Variants in UBXN11 observed in about 807,000 individuals in gnomAD.
UBXN11 encodes UBX domain-containing protein 11.
UBXN11 carries 47 observed loss-of-function variants against 62.8 expected under a neutral mutation model. The observed-to-expected ratio is 0.75, with a 90% confidence interval of 0.59 to 0.95. UBXN11 has a LOEUF of 0.95. Among genes scored for constraint, UBXN11 ranks in the 40% least tolerant of loss-of-function variants. The probability of loss-of-function intolerance (pLI) is 0.00; values close to 1 mark genes in which losing one functional copy is unlikely to be tolerated. For missense variants in UBXN11, 638 were observed against 661.7 expected (o/e 0.96, Z 0.39); for synonymous variants, 294 against 267.0 (o/e 1.10, Z -0.99).
chr1:26,317,373 A>AT (rs1271894333), intron 1 of UBXN11, among the ~76,000 whole-genome samples: 1 of 152,128 alleles, frequency 6.6e-6, no homozygotes, highest in African/African-American at 2.4e-5. Flanking sequence ...AGGCTTCCCG[A>AT]TTCCTCACCT....
chr1:26,282,435 T>A lies in UBXN11; in HGVS notation c.1427A>T (p.Lys476Met). ...ACCAGGACTGAATTTCAGGCTGGACTTCGGGGCTCGGCGTGCCCGCAGCAG... is the reference window on the plus strand; with the variant it reads ...ACCAGGACTGAATTTCAGGCTGGACATCGGGGCTCGGCGTGCCCGCAGCAG... ...ALLLRARRAP[K>M]SSLKFSPGPC... The change falls in exon 15 of 15, where the codon AAG (lysine) becomes ATG (methionine). Residue 476 changes from lysine to methionine, a missense_variant. Transcript: ENST00000374222. The A allele has an allele frequency of 1.9e-6, 3 of 1,600,002 alleles. No individual in the cohort carries two copies. The highest frequency in any genetic ancestry group is 1.1e-5 in the South Asian group (1 of 90,558).
rs916011692 is a variant in UBXN11, at chr1:26,285,906, C to A, written c.691G>T (p.Glu231Ter). 2 of 1,613,632 alleles carry A rather than the reference C, an allele frequency of 1.2e-6. No homozygotes were observed. The highest frequency in any genetic ancestry group is 1.3e-5 in the African/African-American group (1 of 75,044). ...CGGTAGAGCTTCAGCGGGATGGGCT[C>A]GAGGGTACGCAGCCGTGCCCCGCCG... ...VPGGARLRTL[E>*]PIPLKLYRNG... is the part of the protein sequence containing the mutation. Residue 231 changes from glutamate (E) to a stop codon, truncating the protein, a stop_gained, in exon 9 of 15, where the codon GAG (glutamate) becomes TAG (stop). Coordinates refer to ENST00000374222, the MANE Select transcript of UBXN11 (RefSeq NM_001389556.1). LOFTEE classifies it high-confidence loss of function.
chr1:26,295,904 G>C (rs147833133), intron 7 of UBXN11, among the ~76,000 whole-genome samples: 1 of 152,248 alleles, frequency 6.6e-6, no homozygotes, highest in Admixed American at 6.5e-5. Context: ...ACTGTGTGGC[G>C]GAGACGCATG....
chr1:26,295,331 T>C (rs2124654333), intron 7 of UBXN11, among the ~76,000 whole-genome samples: 1 of 152,202 alleles, frequency 6.6e-6, no homozygotes, highest in Non-Finnish European at 1.5e-5. Flanking sequence ...CACCGTCATC[T>C]TTCTCCTGGA....
chr1:26,301,897 G>A (rs1010498781), intron 2 of UBXN11, among the ~76,000 whole-genome samples, 175 bp from the exon 3 acceptor site: 1 of 152,124 alleles, frequency 6.6e-6, no homozygotes, highest in African/African-American at 2.4e-5. Flanking sequence ...GTGAGACAAG[G>A]GACAGGCTTC....
chr1:26,296,790 A>G, intron 7 of UBXN11, 129 bp downstream of exon 7: 11 of 956,874 alleles, frequency 1.1e-5, no homozygotes, highest in Non-Finnish European at 1.7e-5. Flanking sequence ...AATGCAGGGC[A>G]GGGTCCCTGG....
At chr1:26,317,986 G>A (rs1331835877) in intron 1 of UBXN11, 2 of 1,609,660 alleles carry the variant, frequency 1.2e-6, no homozygotes, top group Admixed American at 3.3e-5. Flanking sequence ...CTAAAAAGCT[G>A]CTACCAAGAC....
At chr1:26,308,363 AAGC>A (rs2073704793), upstream of UBXN11, among the ~76,000 whole-genome samples, 1 of 152,154 alleles carries the variant, frequency 6.6e-6, no homozygotes, top group Admixed American at 6.5e-5. Flanking sequence ...TAAAGGCAGG[AAGC>A]AGAAGTGGAT....
intron 8 of UBXN11, among the ~76,000 whole-genome samples, chr1:26,287,483 T>C (rs1045177624): frequency 2.0e-5 from 3 of 151,842 alleles, no homozygotes; most frequent in African/African-American, 7.3e-5. Context: ...GTAAGTCATC[T>C]GTTTGGGTGT....
At chr1:26,298,732 G>A (rs1027639631) in intron 4 of UBXN11, among the ~76,000 whole-genome samples, 12 of 141,838 alleles carry the variant, frequency 8.5e-5, no homozygotes, top group African/African-American at 3.0e-4. Context: ...AGCCAAGATC[G>A]CACCACTGCA....
Position 26,282,291 on chromosome 1 carries a change from C to A in UBXN11, c.*8G>T. 6.9e-7 allele frequency: 1 copy of A among 1,453,648 alleles called. No individual in the cohort carries two copies. 90.0% of individuals were successfully genotyped at this position (1,453,648 alleles called of 1,614,324 possible). A position where few individuals can be genotyped will look rare whatever the true frequency, so the allele number is the denominator to read the frequency against. On this transcript the variant is annotated 3_prime_UTR_variant, in exon 15 of 15. Coordinates refer to ENST00000374222, the MANE Select transcript of UBXN11 (RefSeq NM_001389556.1). ...CTGGCGGAGCAGCGGGTTGAGGGGG[C>A]GGGTGCTTTATTGGGGGCTGGGACT...
chr1:26,289,216 G>A (rs2073201535), intron 8 of UBXN11, among the ~76,000 whole-genome samples: 1 of 152,154 alleles, frequency 6.6e-6, no homozygotes, highest in African/African-American at 2.4e-5. Flanking sequence ...GTACAATGAG[G>A]ACGATAAAAG....
At chr1:26,297,612 A>G (rs1380021965) in intron 5 of UBXN11, 131 bp from the exon 6 acceptor site, 1 of 1,142,564 alleles carries the variant, frequency 8.8e-7, no homozygotes, top group African/African-American at 1.6e-5. Flanking sequence ...TGGCACAGCC[A>G]CTTCTCCCGG....
upstream of UBXN11, chr1:26,306,896 A>G (rs4233460): frequency 0.54 from 76,120 of 141,172 alleles, 21,881 homozygotes; most frequent in Non-Finnish European, 0.65. Flanking sequence ...TAGGTTAATG[A>G]AACTGCTGGC....
intron 8 of UBXN11, among the ~76,000 whole-genome samples, chr1:26,289,506 T>C (rs2073208642): frequency 6.6e-6 from 1 of 152,014 alleles, no homozygotes; most frequent in Non-Finnish European, 1.5e-5. Flanking sequence ...CTCAGGAGCA[T>C]TGAGCCCTGG....
At chr1:26,317,869 T>C in intron 1 of UBXN11, 1 of 673,374 alleles carries the variant, frequency 1.5e-6, no homozygotes, top group Non-Finnish European at 2.7e-6. Flanking sequence ...ACACCCCTCC[T>C]CCACCTTGTA....
At chr1:26,291,916 C>G (rs1402088024) in intron 8 of UBXN11, among the ~76,000 whole-genome samples, 1 of 152,202 alleles carries the variant, frequency 6.6e-6, no homozygotes, top group East Asian at 1.9e-4. Flanking sequence ...TTGCTGTGTC[C>G]CAAGTGTACT....
At position 26,302,884 on chromosome 1, in the gene UBXN11, A is replaced by G; in HGVS notation, c.-1T>C. Reference sequence around the variant, plus strand: ...TAAGGGAGGCCAAAGGTGAGCTCATAGTTCTACTTCTAGAATCCAGCTGTC... The same window carrying G: ...TAAGGGAGGCCAAAGGTGAGCTCATGGTTCTACTTCTAGAATCCAGCTGTC... On this transcript the variant is annotated 5_prime_UTR_variant, in exon 2 of 15. Transcript: ENST00000374222. 2 of 1,613,740 alleles carry G rather than the reference A, an allele frequency of 1.2e-6. No individual in the cohort carries two copies. The highest frequency in any genetic ancestry group is 1.7e-6 in the Non-Finnish European group (2 of 1,179,802).
intron 1 of UBXN11, among the ~76,000 whole-genome samples, chr1:26,316,692 T>G (rs2073798514): frequency 1.3e-5 from 2 of 152,096 alleles, no homozygotes; most frequent in African/African-American, 4.8e-5. Flanking sequence ...TAACACCTGC[T>G]GCAGGGCACC....
Sources: gnomAD v4.1 joint callset for allele counts (sites outside exome capture counted in the v4.1 genomes callset) on GRCh38, gnomAD v4.1.1 for gene constraint, MANE v1.5 for transcripts, NCBI Gene and HGNC (gene_info 2026-07-23, HGNC 2026-07-21) for gene names.